GPRC5A: variants seen among roughly 807,000 people sequenced by gnomAD.
The protein encoded by GPRC5A is retinoic acid-induced protein 3.
A neutral mutation model predicts 22.5 loss-of-function variants in GPRC5A; 19 were observed. The observed-to-expected ratio is 0.85, with a 90% CI of 0.59 to 1.24. GPRC5A has a LOEUF of 1.24. Among genes scored for constraint, GPRC5A ranks in the 50% most tolerant of loss-of-function variants. The probability of loss-of-function intolerance (pLI) is 0.00; values close to 1 mark genes in which losing one functional copy is unlikely to be tolerated. For missense variants in GPRC5A, 471 were observed against 451.1 expected, an observed-to-expected ratio of 1.04 and a Z score of -0.40; for synonymous variants, 192 against 184.5, an observed-to-expected ratio of 1.04 and a Z score of -0.33.
rs2136465894 is a variant in GPRC5A, at chr12:12,916,504, C to G, written c.*3965C>G. ...GTCCTGTGTGGGGCACCAAGCTGAGCTGCAGACACCCAGTAGGCGCGAGGC... is the reference window on the plus strand; with the variant it reads ...GTCCTGTGTGGGGCACCAAGCTGAGGTGCAGACACCCAGTAGGCGCGAGGC... On this transcript the variant is annotated 3_prime_UTR_variant, in exon 4 of 4. Transcript: ENST00000014914. 1 of 152,366 alleles carries G rather than the reference C, an allele frequency of 6.6e-6. No individual in the cohort carries two copies. Among genetic ancestry groups the G allele is most frequent in the Admixed American group, 6.5e-5 (1 of 15,302 alleles). 9.4% of individuals were successfully genotyped at this position (152,366 alleles called of 1,614,324 possible).
At chr12:12,900,512 G>T (rs1004014209) in intron 1 of GPRC5A, among the ~76,000 whole-genome samples, 1 of 152,160 alleles carries the variant, frequency 6.6e-6, no homozygotes, top group Non-Finnish European at 1.5e-5. Flanking sequence ...GTTGACCCAA[G>T]AAATGACTTC....
chr12:12,892,927 C>T (rs1863778607), intron 1 of GPRC5A, among the ~76,000 whole-genome samples: 1 of 152,064 alleles, frequency 6.6e-6, no homozygotes, highest in Admixed American at 6.5e-5. Flanking sequence ...AGGGGGCACA[C>T]ACCCTCCAGG....
At chr12:12,894,258 G>C (rs138851274) in intron 1 of GPRC5A, among the ~76,000 whole-genome samples, 1 of 152,236 alleles carries the variant, frequency 6.6e-6, no homozygotes, top group African/African-American at 2.4e-5. Flanking sequence ...TGAAGATAGA[G>C]AATATTTCTA....
chr12:12,908,620 G>A lies in GPRC5A; in HGVS notation c.371G>A (p.Arg124Gln), dbSNP rs140433964. The A allele has an allele frequency of 1.1e-3, 1,698 of 1,613,932 alleles. 5 individuals carry two copies. The highest frequency in any genetic ancestry group is 5.0e-3 in the East Asian group (226 of 44,880). The part of the protein sequence containing the change: ...AHAVSLTKLV[R>Q]GRKPLSLLVI... Reference sequence around the variant, plus strand: ...GCTGTCAGTCTGACCAAGCTCGTCCGGGGGAGGAAGCCCCTTTCCCTGTTG... The same window carrying A: ...GCTGTCAGTCTGACCAAGCTCGTCCAGGGGAGGAAGCCCCTTTCCCTGTTG... The change falls in exon 2 of 4, where the codon CGG becomes CAG. Residue 124 changes from arginine to glutamine, a missense_variant. Transcript: ENST00000014914.
chr12:12,909,529 T>G, intron 2 of GPRC5A: 1 of 187,154 alleles, frequency 5.3e-6, no homozygotes, highest in Non-Finnish European at 1.1e-5. Flanking sequence ...ACGAGACAAA[T>G]TCCCAGCAAT....
chr12:12,901,319 C>T lies in GPRC5A; in HGVS notation c.-7-6924C>T, dbSNP rs1565463679. Among the ~76,000 whole-genome samples the T allele has an allele frequency of 3.9e-5, 6 of 152,072 alleles. No individual in the cohort carries two copies. In the South Asian group the frequency reaches 8.3e-4, roughly 21 times the overall value. On this transcript the variant is annotated intron_variant, in intron 1 of 3. Transcript: ENST00000014914. ...CCACCTGCGGCCACTAAGATAGGAG[C>T]GGGGTTCAGACATGGCCAGGCGCTC... is the stretch of plus-strand genomic sequence containing the variant.
intron 1 of GPRC5A, among the ~76,000 whole-genome samples, chr12:12,906,432 T>C (rs1208815239): frequency 6.6e-6 from 1 of 151,924 alleles, no homozygotes; most frequent in Non-Finnish European, 1.5e-5. Flanking sequence ...TAGCGGGGTG[T>C]GGTGGCACAC....
Position 12,914,098 on chromosome 12 carries a change from C to A in GPRC5A, c.*1559C>A, listed in dbSNP as rs536932198. ...TAATCCAAGAAAGAGCTCTGTAGGG[C>A]AGAGCAATAGGAAATCTCTCTTTCG... is the stretch of plus-strand genomic sequence containing the variant. On this transcript the variant is annotated 3_prime_UTR_variant, in exon 4 of 4. Coordinates refer to ENST00000014914, the MANE Select transcript of GPRC5A (RefSeq NM_003979.4). The A allele has an allele frequency of 6.6e-6, 1 of 152,182 alleles. No homozygotes were observed. The highest frequency in any genetic ancestry group is 1.5e-5 in the Non-Finnish European group (1 of 68,016). 9.4% of individuals were successfully genotyped at this position (152,182 alleles called of 1,614,324 possible). A position where few individuals can be genotyped will look rare whatever the true frequency, so the allele number is the denominator to read the frequency against.
chr12:12,908,914 C>G lies in GPRC5A; in HGVS notation c.665C>G (p.Ala222Gly). 1 of 1,614,090 alleles carries G rather than the reference C, an allele frequency of 6.2e-7. No homozygotes were observed. The highest frequency in any genetic ancestry group is 8.5e-7 in the Non-Finnish European group (1 of 1,179,946). ...HIYLTMLLSI[A>G]IWVAWITLLM... is the part of the protein sequence containing the mutation. ...TACCTCACGATGCTCCTCTCCATTG[C>G]CATCTGGGTGGCCTGGATCACCCTG... Residue 222 changes from alanine (A) to glycine (G), a missense_variant, in exon 2 of 4, where the codon GCC (alanine) becomes GGC (glycine). Coordinates refer to ENST00000014914, the MANE Select transcript of GPRC5A (RefSeq NM_003979.4).
intron 2 of GPRC5A, among the ~76,000 whole-genome samples, chr12:12,911,207 A>T (rs1200099026): frequency 1.3e-5 from 2 of 152,098 alleles, no homozygotes; most frequent in Non-Finnish European, 2.9e-5. Context: ...GTGTTTGTTC[A>T]GCAAATTGGG....
intron 1 of GPRC5A, among the ~76,000 whole-genome samples, chr12:12,897,315 A>G (rs1863832625): frequency 6.6e-6 from 1 of 151,804 alleles, no homozygotes; most frequent in African/African-American, 2.4e-5. Context: ...AATCTTGGGC[A>G]AAGTTTTGCA....
chr12:12,908,592 C>T lies in GPRC5A; in HGVS notation c.343C>T (p.His115Tyr), dbSNP rs144201645. 1.9e-6 allele frequency: 3 copies of T among 1,614,024 alleles called. No homozygotes were observed. Among genetic ancestry groups the T allele is most frequent in the African/African-American group, 1.3e-5 (1 of 74,918 alleles). ...CATCTGCTTCTCCTGCCTGCTGGCT[C>T]ATGCTGTCAGTCTGACCAAGCTCGT... is the stretch of plus-strand genomic sequence containing the variant. ...FSICFSCLLA[H>Y]AVSLTKLVRG... Residue 115 changes from histidine to tyrosine, a missense_variant, in exon 2 of 4, where the codon CAT becomes TAT. By Grantham distance (83) the His-to-Tyr change is moderately conservative (BLOSUM62 2). Coordinates refer to ENST00000014914, the MANE Select transcript of GPRC5A (RefSeq NM_003979.4).
At chr12:12,900,911 AAAC>A (rs1565463571) in intron 1 of GPRC5A, among the ~76,000 whole-genome samples, 9 of 121,766 alleles carry the variant, frequency 7.4e-5, no homozygotes, top group East Asian at 4.7e-4. Context: ...AAAAAAAAAA[AAAC>A]AAAAAAAAAA....
chr12:12,900,923 A>AAAAAAAAAAC lies in GPRC5A; in HGVS notation c.-7-7319_-7-7318insAAAAAAAACA, dbSNP rs1555104732. Among the ~76,000 whole-genome samples the AAAAAAAAAAC allele has an allele frequency of 4.9e-4, 54 of 109,962 alleles. 3 individuals carry two copies. The highest frequency in any genetic ancestry group is 7.5e-4 in the Non-Finnish European group (39 of 52,064). The allele number at this position is 109,962 out of a possible 152,430, so 72.1% of individuals were successfully genotyped here. A position where few individuals can be genotyped will look rare whatever the true frequency, so the allele number is the denominator to read the frequency against. ...AAAAAAAAAAAAAAAACAAAAAAAA[A>AAAAAAAAAAC]ACAACCCAGAAAAACCCAAAAAACA... On this transcript the variant is annotated intron_variant, in intron 1 of 3. Transcript: ENST00000014914.
In GPRC5A at chr12:12,909,041, G is replaced by C. The variant is rs779275915; in HGVS notation, c.792G>C (p.Glu264Asp). The change falls in exon 2 of 4, where the codon GAG becomes GAC. Residue 264 changes from glutamate to aspartate, a missense_variant. Coordinates refer to ENST00000014914, the MANE Select transcript of GPRC5A (RefSeq NM_003979.4). ...TCCTGTTGGCTTATGTTAGTCCCGA[G>C]TTTTGGCTGCTCACAAAGCAACGAA... is the stretch of plus-strand genomic sequence containing the variant. Reference protein sequence around the residue: ...WVFLLAYVSPEFWLLTKQRNP... With the variant: ...WVFLLAYVSPDFWLLTKQRNP... The C allele has an allele frequency of 6.2e-7, 1 of 1,612,374 alleles. No homozygotes were observed. The highest frequency in any genetic ancestry group is 8.5e-7 in the Non-Finnish European group (1 of 1,180,020).
chr12:12,892,460 C>G (rs1191662328), intron 1 of GPRC5A, among the ~76,000 whole-genome samples: 1 of 152,108 alleles, frequency 6.6e-6, no homozygotes, highest in Admixed American at 6.6e-5. Context: ...CTCCACCTCC[C>G]GGGTTCAAGC....
chr12:12,899,196 G>A (rs1346433162), intron 1 of GPRC5A, among the ~76,000 whole-genome samples: 7 of 151,918 alleles, frequency 4.6e-5, no homozygotes, highest in Non-Finnish European at 2.9e-5. Context: ...ATTAGCACCC[G>A]GCTAATTTTT....
chr12:12,912,387 A>G, intron 3 of GPRC5A, 60 bp from the exon 4 acceptor site: 1 of 1,097,018 alleles, frequency 9.1e-7, no homozygotes, highest in South Asian at 1.2e-5. Flanking sequence ...CCCAGACTGG[A>G]GACCTGTTGA....
At chr12:12,911,191 G>T (rs973807392) in intron 2 of GPRC5A, among the ~76,000 whole-genome samples, 1 of 152,044 alleles carries the variant, frequency 6.6e-6, no homozygotes, top group Non-Finnish European at 1.5e-5. Flanking sequence ...AAATAAAGGC[G>T]TTTAAGTGTT....
Sources: gnomAD v4.1 joint callset for allele counts (sites outside exome capture counted in the v4.1 genomes callset) on GRCh38, gnomAD v4.1.1 for gene constraint, MANE v1.5 for transcripts, NCBI Gene and HGNC (gene_info 2026-07-23, HGNC 2026-07-21) for gene names.